The following MNAT1 variants were observed in gnomAD, a reference collection of about 807,000 sequenced individuals.
MNAT1 encodes the protein CDK-activating kinase assembly factor MAT1.
MNAT1 carries 43 observed loss-of-function variants against 42.0 expected under a neutral mutation model. That is an observed-to-expected ratio of 1.02 (90% CI 0.80 to 1.32). The LOEUF is 1.32. Among genes scored for constraint, MNAT1 ranks in the 40% most tolerant of loss-of-function variants. The pLI, the probability that MNAT1 is intolerant of heterozygous loss-of-function variation, is 0.00. For synonymous variants in MNAT1, 118 were observed against 120.0 expected (o/e 0.98, Z 0.11); for missense variants, 306 against 350.4 (o/e 0.87, Z 1.01).
chr14:60,739,891 C>T (rs933998165), intron 1 of MNAT1, among the ~76,000 whole-genome samples: 6 of 152,202 alleles, frequency 3.9e-5, no homozygotes, highest in Non-Finnish European at 5.9e-5. Context: ...CAGTGGCTTA[C>T]GCCTGTAATC....
At chr14:60,847,380 G>A (rs2033708583) in intron 6 of MNAT1, among the ~76,000 whole-genome samples, 1 of 150,786 alleles carries the variant, frequency 6.6e-6, no homozygotes, top group South Asian at 2.1e-4. Context: ...GTCTGGCCTG[G>A]GTGAAAGAGT....
At chr14:60,963,710 A>G (rs1164570527) in intron 7 of MNAT1, among the ~76,000 whole-genome samples, 1 of 152,160 alleles carries the variant, frequency 6.6e-6, no homozygotes, top group Admixed American at 6.5e-5. Flanking sequence ...AATGAAGACT[A>G]AAAAAACGGG....
At chr14:60,776,437 G>A (rs978020480) in intron 1 of MNAT1, among the ~76,000 whole-genome samples, 1 of 152,132 alleles carries the variant, frequency 6.6e-6, no homozygotes, top group East Asian at 1.9e-4. Context: ...TTGGAGTGAG[G>A]CAGTCCAAGG....
intron 7 of MNAT1, among the ~76,000 whole-genome samples, chr14:60,882,941 T>C (rs1041735829): frequency 6.6e-6 from 1 of 152,198 alleles, no homozygotes; most frequent in Non-Finnish European, 1.5e-5. Flanking sequence ...ATTACATTTT[T>C]TCCTGTTGAG....
At chr14:60,891,668 G>T (rs1465556374) in intron 7 of MNAT1, among the ~76,000 whole-genome samples, 1 of 152,122 alleles carries the variant, frequency 6.6e-6, no homozygotes, top group Admixed American at 6.6e-5. Context: ...GGCCAGGCTG[G>T]TCTCGAACTC....
rs140636319 is a variant in MNAT1 at position 60,817,667 on chromosome 14, T to G, written c.562-1055T>G. ...TAAAAAATTATTAAGTTGCTAGATTTGGAAAGAAAATTAAAATCTGTATGT... is the reference window on the plus strand; with the variant it reads ...TAAAAAATTATTAAGTTGCTAGATTGGGAAAGAAAATTAAAATCTGTATGT... On this transcript the variant is annotated intron_variant, in intron 5 of 7. Transcript: ENST00000261245. 5.8e-4 allele frequency among the ~76,000 whole-genome samples: 89 copies of G among 152,172 alleles called. No individual in the cohort carries two copies. In the East Asian group the frequency reaches 0.017, roughly 29 times the overall value.
At chr14:60,790,846 G>A (rs2031794790) in intron 1 of MNAT1, among the ~76,000 whole-genome samples, 2 of 152,066 alleles carry the variant, frequency 1.3e-5, no homozygotes, top group South Asian at 2.1e-4. Context: ...TATCGCAAAA[G>A]CCCTAATTAA....
intron 3 of MNAT1, among the ~76,000 whole-genome samples, chr14:60,801,189 A>G (rs1051197041): frequency 2.6e-5 from 4 of 152,070 alleles, no homozygotes; most frequent in Admixed American, 2.0e-4. Flanking sequence ...AACAAAAGAA[A>G]AAGGCACCGA....
chr14:60,832,303 G>T (rs2139385370), intron 6 of MNAT1, among the ~76,000 whole-genome samples: 1 of 152,204 alleles, frequency 6.6e-6, no homozygotes, highest in Admixed American at 6.5e-5. Context: ...GGGTTTTTAT[G>T]GTTTTAGGTC....
chr14:60,894,227 C>T (rs921114800), intron 7 of MNAT1, among the ~76,000 whole-genome samples: 3 of 151,740 alleles, frequency 2.0e-5, no homozygotes, highest in South Asian at 2.1e-4. Context: ...TTCTACCCCT[C>T]CTCCATTGGC....
intron 6 of MNAT1, among the ~76,000 whole-genome samples, chr14:60,871,696 C>T (rs907464494): frequency 1.3e-5 from 2 of 151,850 alleles, no homozygotes; most frequent in Non-Finnish European, 2.9e-5. Flanking sequence ...GATCTCGGCT[C>T]ATTGTAACCT....
chr14:60,753,177 G>A (rs1296462049), intron 1 of MNAT1, among the ~76,000 whole-genome samples: 1 of 152,188 alleles, frequency 6.6e-6, no homozygotes, highest in Non-Finnish European at 1.5e-5. Flanking sequence ...GCATGGCTGA[G>A]CTGGGTAGTT....
At chr14:60,836,448 A>G (rs1480139362) in intron 6 of MNAT1, among the ~76,000 whole-genome samples, 2 of 152,080 alleles carry the variant, frequency 1.3e-5, no homozygotes, top group Non-Finnish European at 2.9e-5. Flanking sequence ...GTTGATGTTG[A>G]TGCTATTCTT....
At chr14:60,961,790 TTTTTGTCCCCTCAC>T (rs1434168944) in intron 7 of MNAT1, among the ~76,000 whole-genome samples, 1 of 152,170 alleles carries the variant, frequency 6.6e-6, no homozygotes, top group East Asian at 1.9e-4. Context: ...AATTTCTGCA[TTTTTGTCCCCTCAC>T]TCTTGGAGAT....
chr14:60,840,905 T>C (rs1272552619), intron 6 of MNAT1, among the ~76,000 whole-genome samples: 1 of 152,180 alleles, frequency 6.6e-6, no homozygotes, highest in African/African-American at 2.4e-5. Context: ...CCTCAGGTGA[T>C]CCGCCCACCT....
At chr14:60,754,422 A>T (rs1407363028) in intron 1 of MNAT1, among the ~76,000 whole-genome samples, 3 of 146,234 alleles carry the variant, frequency 2.1e-5, no homozygotes, top group Non-Finnish European at 3.0e-5. Context: ...ATCTTGGCTC[A>T]CTGCAACCTC....
chr14:60,914,516 T>G (rs2035468975), intron 7 of MNAT1, among the ~76,000 whole-genome samples: 1 of 150,754 alleles, frequency 6.6e-6, no homozygotes, highest in Non-Finnish European at 1.5e-5. Flanking sequence ...TTCATGGTTA[T>G]TACAGAAAAT....
At chr14:60,887,381 C>A (rs1429984180) in intron 7 of MNAT1, among the ~76,000 whole-genome samples, 1 of 104,282 alleles carries the variant, frequency 9.6e-6, no homozygotes, top group Non-Finnish European at 1.9e-5. Flanking sequence ...TAATGCTATC[C>A]CTCCCCCCTC....
intron 6 of MNAT1, among the ~76,000 whole-genome samples, chr14:60,865,548 C>G: frequency 6.6e-6 from 1 of 151,896 alleles, no homozygotes; most frequent in Non-Finnish European, 1.5e-5. Context: ...CTTTTCTGAT[C>G]TTTTTATAGA....
Sources: gnomAD v4.1 joint callset for allele counts (sites outside exome capture counted in the v4.1 genomes callset) on GRCh38, gnomAD v4.1.1 for gene constraint, MANE v1.5 for transcripts, NCBI Gene and HGNC (gene_info 2026-07-23, HGNC 2026-07-21) for gene names.